LARGE1: variants seen among roughly 807,000 people sequenced by gnomAD.
LARGE1 encodes the protein LARGE xylosyl- and glucuronyltransferase 1.
LARGE1 carries 43 observed loss-of-function variants against 87.6 expected under a neutral mutation model. The observed-to-expected ratio is 0.49, with a 90% CI of 0.38 to 0.63. LARGE1 has a LOEUF of 0.63. LARGE1 is among the 30% of genes least tolerant of loss of function. LARGE1 has a pLI of 0.00. For synonymous variants in LARGE1, 434 were observed against 394.6 expected (o/e 1.10, Z -1.18); for missense variants, 802 against 1,000.2 (o/e 0.80, Z 2.67).
intron 3 of LARGE1, among the ~76,000 whole-genome samples, chr22:33,633,065 A>T (rs577846177): frequency 6.6e-6 from 1 of 152,262 alleles, no homozygotes; most frequent in East Asian, 1.9e-4. Context: ...TTGTCTTACA[A>T]CCTGCAGAAA....
chr22:33,120,641 A>G, the LARGE1 span, among the ~76,000 whole-genome samples: 1 of 151,888 alleles, frequency 6.6e-6, no homozygotes, highest in Non-Finnish European at 1.5e-5. Flanking sequence ...CTCAGCCTCC[A>G]GAGTAGCTGA....
intron 1 of LARGE1, among the ~76,000 whole-genome samples, chr22:33,879,402 C>T (rs144378332): frequency 6.6e-6 from 1 of 152,324 alleles, no homozygotes; most frequent in Non-Finnish European, 1.5e-5. Context: ...GATCCTGCAT[C>T]CCCATTTGAC....
At chr22:33,420,857 G>A (rs781542353) in intron 7 of LARGE1, among the ~76,000 whole-genome samples, 5 of 152,268 alleles carry the variant, frequency 3.3e-5, no homozygotes, top group South Asian at 2.1e-4. Context: ...AGACACAGAC[G>A]TAATCCTCTT....
chr22:33,599,442 A>G (rs529322753), intron 5 of LARGE1, among the ~76,000 whole-genome samples: 2 of 152,290 alleles, frequency 1.3e-5, no homozygotes, highest in South Asian at 2.1e-4. Flanking sequence ...CAGTCCTGGT[A>G]GCCTGTTGGT....
chr22:33,635,912 C>A (rs2080253099), intron 3 of LARGE1, among the ~76,000 whole-genome samples: 1 of 152,096 alleles, frequency 6.6e-6, no homozygotes, highest in Non-Finnish European at 1.5e-5. Flanking sequence ...GTAGATGCAC[C>A]ACCTGGCTTT....
intron 2 of LARGE1, among the ~76,000 whole-genome samples, chr22:33,673,071 G>C (rs1255642381): frequency 6.6e-6 from 1 of 152,090 alleles, no homozygotes; most frequent in Non-Finnish European, 1.5e-5. Flanking sequence ...TCAGGAGTTT[G>C]AGCCCAGCCT....
chr22:33,734,185 C>T (rs148035271), intron 2 of LARGE1, among the ~76,000 whole-genome samples: 3 of 152,290 alleles, frequency 2.0e-5, no homozygotes, highest in African/African-American at 4.8e-5. Flanking sequence ...GAATTACAGC[C>T]GCCTTAATGA....
intron 11 of LARGE1, among the ~76,000 whole-genome samples, chr22:33,307,122 T>C (rs1935018836): frequency 2.0e-5 from 3 of 152,184 alleles, no homozygotes; most frequent in South Asian, 2.1e-4. Context: ...CTAATAATGA[T>C]GGTAATATTT....
At chr22:33,098,435 C>T in the LARGE1 span, among the ~76,000 whole-genome samples, 1 of 151,862 alleles carries the variant, frequency 6.6e-6, no homozygotes, top group East Asian at 1.9e-4. Flanking sequence ...CTGGCTAACA[C>T]GGTGAAACCC....
intron 1 of LARGE1, among the ~76,000 whole-genome samples, chr22:33,764,712 G>A (rs765548770): frequency 2.6e-4 from 39 of 152,130 alleles, no homozygotes; most frequent in Non-Finnish European, 4.4e-4. Flanking sequence ...GAGCAAGATT[G>A]TGCCACCGCA....
At chr22:33,365,487 C>G (rs2064551607) in intron 9 of LARGE1, among the ~76,000 whole-genome samples, 1 of 152,188 alleles carries the variant, frequency 6.6e-6, no homozygotes, top group East Asian at 1.9e-4. Flanking sequence ...GGCCATTTGC[C>G]TGGCAACCAA....
intron 6 of LARGE1, among the ~76,000 whole-genome samples, chr22:33,493,693 T>C (rs1284966439): frequency 6.6e-6 from 1 of 152,140 alleles, no homozygotes; most frequent in African/African-American, 2.4e-5. Context: ...GACAGAGGGA[T>C]TGAACCACTT....
chr22:33,392,983 TAGG>T (rs1399176673), intron 7 of LARGE1, among the ~76,000 whole-genome samples: 1 of 152,174 alleles, frequency 6.6e-6, no homozygotes, highest in Non-Finnish European at 1.5e-5. Context: ...CCTGCATGCT[TAGG>T]AGATCTCTTG....
At chr22:33,724,405 G>C (rs2083203664) in intron 2 of LARGE1, 1 of 152,336 alleles carries the variant, frequency 6.6e-6, no homozygotes, top group Non-Finnish European at 1.5e-5. Flanking sequence ...GGTCTTTCTT[G>C]ACTAGACTGA....
chr22:33,719,947 G>T (rs1034298973), intron 2 of LARGE1, among the ~76,000 whole-genome samples: 10 of 152,168 alleles, frequency 6.6e-5, no homozygotes, highest in African/African-American at 2.4e-4. Flanking sequence ...AGAGGCAATA[G>T]GCTATACCAG....
intron 6 of LARGE1, among the ~76,000 whole-genome samples, chr22:33,491,939 C>T (rs954462743): frequency 6.6e-6 from 1 of 152,050 alleles, no homozygotes; most frequent in Non-Finnish European, 1.5e-5. Flanking sequence ...GATGAAAGGC[C>T]GACCCCTTGA....
At chr22:33,145,093 G>T in the LARGE1 span, among the ~76,000 whole-genome samples, 1 of 152,178 alleles carries the variant, frequency 6.6e-6, no homozygotes, top group African/African-American at 2.4e-5. Context: ...CCTGACGGGG[G>T]AGGAGAAAGT....
At chr22:33,532,974 C>A (rs765263325) in intron 6 of LARGE1, among the ~76,000 whole-genome samples, 18 of 152,030 alleles carry the variant, frequency 1.2e-4, no homozygotes, top group Admixed American at 3.3e-4. Flanking sequence ...CGTGTTGAAT[C>A]CAAATGTTTG....
At chr22:33,098,222 C>A in the LARGE1 span, among the ~76,000 whole-genome samples, 1 of 151,818 alleles carries the variant, frequency 6.6e-6, no homozygotes, top group South Asian at 2.1e-4. Flanking sequence ...GTGGGAGGAT[C>A]ACTTGAGGCT....
Sources: allele counts gnomAD v4.1 joint callset (sites outside exome capture counted in the v4.1 genomes callset), GRCh38; gene constraint gnomAD v4.1.1; transcripts MANE v1.5; gene names NCBI Gene and HGNC (gene_info 2026-07-23, HGNC 2026-07-21).